Variants in SLC16A12 observed in about 807,000 individuals in gnomAD.
SLC16A12 encodes monocarboxylate transporter 12.
SLC16A12 carries 17 observed loss-of-function variants against 42.4 expected under a neutral mutation model. That is an observed-to-expected ratio of 0.40 (90% CI 0.27 to 0.60). The LOEUF (loss-of-function observed/expected upper bound fraction) is 0.60, where lower values mean the gene tolerates loss of function less well. Among genes scored for constraint, SLC16A12 ranks in the 20% least tolerant of loss-of-function variants. The pLI is 0.42. For missense variants in SLC16A12, 544 were observed against 623.0 expected (o/e 0.87, Z 1.35); for synonymous variants, 224 against 229.4 (o/e 0.98, Z 0.21).
At chr10:89,519,411 T>A (rs897526321) in intron 2 of SLC16A12, among the ~76,000 whole-genome samples, 2 of 152,160 alleles carry the variant, frequency 1.3e-5, no homozygotes, top group African/African-American at 4.8e-5. Flanking sequence ...CAGCAAAAAC[T>A]GGTATCTCCC....
At chr10:89,477,761 G>A (rs1842603118) in intron 2 of SLC16A12, among the ~76,000 whole-genome samples, 1 of 152,110 alleles carries the variant, frequency 6.6e-6, no homozygotes, top group Admixed American at 6.5e-5. Context: ...ATGTAACTGT[G>A]TAAGATATTC....
At chr10:89,451,697 A>C (rs1375019174) in intron 3 of SLC16A12, among the ~76,000 whole-genome samples, 1 of 152,052 alleles carries the variant, frequency 6.6e-6, no homozygotes, top group Admixed American at 6.6e-5. Flanking sequence ...CAAGCTTAAT[A>C]ATTTTATGTT....
intron 2 of SLC16A12, among the ~76,000 whole-genome samples, chr10:89,530,374 C>T (rs1843524399): frequency 6.6e-6 from 1 of 151,536 alleles, no homozygotes; most frequent in South Asian, 2.1e-4. Context: ...TTCACATAAA[C>T]TTCACTATTT....
chr10:89,527,877 T>C (rs1187322932), intron 2 of SLC16A12, among the ~76,000 whole-genome samples: 1 of 151,516 alleles, frequency 6.6e-6, no homozygotes, highest in Non-Finnish European at 1.5e-5. Context: ...GTCTACTAGA[T>C]AAATCTTCAG....
rs1214061000 is a variant in SLC16A12 at position 89,431,031 on chromosome 10, T to C, written c.*2033A>G. 2 of 280,824 alleles carry C rather than the reference T, an allele frequency of 7.1e-6. No homozygotes were observed. Among genetic ancestry groups the C allele is most frequent in the Non-Finnish European group, 1.4e-5 (2 of 147,474 alleles). The allele number at this position is 280,824 out of a possible 1,614,324, so 17.4% of individuals were successfully genotyped here. On this transcript the variant is annotated 3_prime_UTR_variant, in exon 8 of 8. Coordinates refer to ENST00000371790, the MANE Select transcript of SLC16A12 (RefSeq NM_213606.4). ...TTTTTTTTTTGAGATGGAGTCTTGCTCTGTCGCCCAGGGTGGAGTGCAGTG... is the reference window on the plus strand; with the variant it reads ...TTTTTTTTTTGAGATGGAGTCTTGCCCTGTCGCCCAGGGTGGAGTGCAGTG...
chr10:89,456,615 A>G (rs932471151), intron 3 of SLC16A12, among the ~76,000 whole-genome samples: 2 of 152,036 alleles, frequency 1.3e-5, no homozygotes, highest in South Asian at 2.1e-4. Context: ...AACGTGTGCC[A>G]TGGTGGTTTG....
chr10:89,445,998 A>C (rs1378038182), intron 3 of SLC16A12, among the ~76,000 whole-genome samples: 1 of 152,224 alleles, frequency 6.6e-6, no homozygotes, highest in African/African-American at 2.4e-5. Context: ...AGTGGAAGAA[A>C]GGGTATCAGT....
intron 5 of SLC16A12, among the ~76,000 whole-genome samples, chr10:89,440,073 CAAAAAAAAAAAA>C (rs10674171): frequency 1.3e-4 from 4 of 31,430 alleles, no homozygotes; most frequent in Non-Finnish European, 2.3e-4. Context: ...GACCCTGTCT[CAAAAAAAAAAAA>C]AAAAAAAAAA....
intron 2 of SLC16A12, among the ~76,000 whole-genome samples, chr10:89,505,965 T>C (rs1378753573): frequency 6.6e-6 from 1 of 152,126 alleles, no homozygotes; most frequent in Non-Finnish European, 1.5e-5. Context: ...ACAAAGCCAC[T>C]TGGAAGTTCG....
At chr10:89,544,563 A>G (rs1001622447) in intron 2 of SLC16A12, among the ~76,000 whole-genome samples, 1 of 152,236 alleles carries the variant, frequency 6.6e-6, no homozygotes, top group Non-Finnish European at 1.5e-5. Flanking sequence ...CTGTTTCTCC[A>G]AATTAAATTT....
chr10:89,511,605 A>G (rs1397853481), intron 2 of SLC16A12, among the ~76,000 whole-genome samples: 1 of 152,106 alleles, frequency 6.6e-6, no homozygotes, highest in Non-Finnish European at 1.5e-5. Flanking sequence ...GGGGGAGGGG[A>G]TAGCATTAGG....
Position 89,446,165 on chromosome 10 carries a change from C to G in SLC16A12, c.201-2306G>C, listed in dbSNP as rs148092641. On this transcript the variant is annotated intron_variant, in intron 3 of 7. Coordinates refer to ENST00000371790, the MANE Select transcript of SLC16A12 (RefSeq NM_213606.4). The stretch of plus-strand genomic sequence containing the variant: ...CTCAAAGTGACAGGGAGAATGGAAC[C>G]AAGCTGGAAAACACTCTTCAGGATA... 0.012 allele frequency among the ~76,000 whole-genome samples: 1,842 copies of G among 152,252 alleles called. 165 individuals carry two copies. The East Asian group carries it at 0.23, about 19-fold the overall frequency.
rs921892354 is a variant in SLC16A12, at chr10:89,432,012, C to T, written c.*1052G>A. 2.0e-5 allele frequency: 3 copies of T among 152,562 alleles called. No individual in the cohort carries two copies. The highest frequency in any genetic ancestry group is 7.2e-5 in the African/African-American group (3 of 41,446). 9.5% of individuals were successfully genotyped at this position (152,562 alleles called of 1,614,324 possible). Reference sequence around the variant, plus strand: ...TTCAGACAACTGACTCCCTCCAATCCTCTTTTGGGTAATGATAAAACTAAA... The same window carrying T: ...TTCAGACAACTGACTCCCTCCAATCTTCTTTTGGGTAATGATAAAACTAAA... On this transcript the variant is annotated 3_prime_UTR_variant, in exon 8 of 8. Transcript: ENST00000371790.
intron 2 of SLC16A12, among the ~76,000 whole-genome samples, chr10:89,544,307 A>G (rs1843731500): frequency 6.6e-6 from 1 of 152,212 alleles, no homozygotes; most frequent in Non-Finnish European, 1.5e-5. Context: ...TAGACAAAAG[A>G]GAAGAGTTAC....
At chr10:89,464,819 G>T (rs1301764878) in intron 2 of SLC16A12, among the ~76,000 whole-genome samples, 1 of 152,086 alleles carries the variant, frequency 6.6e-6, no homozygotes, top group Non-Finnish European at 1.5e-5. Flanking sequence ...ACATCACTTA[G>T]GTTTGCCCCT....
intron 3 of SLC16A12, among the ~76,000 whole-genome samples, chr10:89,454,145 C>T (rs748205049): frequency 4.6e-5 from 7 of 152,016 alleles, no homozygotes; most frequent in Non-Finnish European, 1.0e-4. Context: ...CCTACCTCAG[C>T]CTCTCCAATA....
intron 2 of SLC16A12, among the ~76,000 whole-genome samples, chr10:89,494,181 C>T (rs556562745): frequency 6.6e-6 from 1 of 152,238 alleles, no homozygotes; most frequent in African/African-American, 2.4e-5. Context: ...CAAAGAAACC[C>T]ATTGGTCCAG....
intron 1 of SLC16A12, among the ~76,000 whole-genome samples, chr10:89,534,970 G>T (rs1564603031): frequency 5.3e-5 from 8 of 152,072 alleles, no homozygotes; most frequent in Admixed American, 5.2e-4. Flanking sequence ...AGGTATCACT[G>T]GTTTATTTGT....
intron 2 of SLC16A12, 121 bp downstream of exon 2, chr10:89,534,372 GATTTTCCC>G (rs1309860395): frequency 6.6e-6 from 1 of 152,196 alleles, no homozygotes; most frequent in Non-Finnish European, 1.5e-5. Context: ...AAGGCCGGAA[GATTTTCCC>G]CCTGGGCTAA....
Sources: gnomAD v4.1 joint callset for allele counts (sites outside exome capture counted in the v4.1 genomes callset) on GRCh38, gnomAD v4.1.1 for gene constraint, MANE v1.5 for transcripts, NCBI Gene and HGNC (gene_info 2026-07-23, HGNC 2026-07-21) for gene names.